Variants in NCKAP1 observed in about 807,000 individuals in gnomAD.
The protein encoded by NCKAP1 is nck-associated protein 1.
In NCKAP1, 21 loss-of-function variants were observed where a neutral mutation model predicts 151.2. The observed-to-expected ratio is 0.14, with a 90% CI of 0.10 to 0.20. The LOEUF (loss-of-function observed/expected upper bound fraction) is 0.20, where lower values mean the gene tolerates loss of function less well. Among genes scored for constraint, NCKAP1 ranks in the 10% least tolerant of loss-of-function variants. The probability of loss-of-function intolerance (pLI) is 1.00; values close to 1 mark genes in which losing one functional copy is unlikely to be tolerated. For synonymous variants in NCKAP1, 484 were observed against 451.8 expected (o/e 1.07, Z -0.90); for missense variants, 933 against 1,352.1 (o/e 0.69, Z 4.86).
Position 182,928,802 on chromosome 2 carries a change from C to T in NCKAP1, c.3051G>A (p.Gln1017=). ...LPTLASNVMS[Q]YSPAIEGHCN... ...TATTACCTTCTATAGCAGGGCTGTA[C>T]TGAGACATCACATTACTGGCCAGTG... is the stretch of plus-strand genomic sequence containing the variant. The change falls in exon 28 of 31, where the codon CAG becomes CAA. Residue 1017 remains glutamine, a synonymous_variant. Coordinates refer to ENST00000361354, the MANE Select transcript of NCKAP1 (RefSeq NM_013436.5). 2 of 1,609,264 alleles carry T rather than the reference C, an allele frequency of 1.2e-6. No homozygotes were observed. Among genetic ancestry groups the T allele is most frequent in the Non-Finnish European group, 1.7e-6 (2 of 1,176,606 alleles).
Position 182,948,656 on chromosome 2 carries a change from T to C in NCKAP1, c.2601+3749A>G, listed in dbSNP as rs1331723307. Reference sequence around the variant, plus strand: ...ATGGACAATACCTAACAAGATAAACTCTACTAAGAAAAACTACAAAGCATA... The same window carrying C: ...ATGGACAATACCTAACAAGATAAACCCTACTAAGAAAAACTACAAAGCATA... On this transcript the variant is annotated intron_variant, in intron 23 of 30. Transcript: ENST00000361354. Among the ~76,000 whole-genome samples, 9 of 152,188 alleles carry C rather than the reference T, an allele frequency of 5.9e-5. No homozygotes were observed. The East Asian group carries it at 1.5e-3, about 26-fold the overall frequency.
chr2:182,936,388 A>G (rs938913773), intron 24 of NCKAP1, among the ~76,000 whole-genome samples: 20 of 152,378 alleles, frequency 1.3e-4, no homozygotes, highest in African/African-American at 4.6e-4. Flanking sequence ...TAGTAAAAGA[A>G]GAAATATAAA....
At chr2:183,030,627 C>T (rs921154814) in intron 1 of NCKAP1, among the ~76,000 whole-genome samples, 2 of 152,066 alleles carry the variant, frequency 1.3e-5, no homozygotes, top group African/African-American at 2.4e-5. Context: ...GACTTAATAA[C>T]CAAGAAACAC....
At chr2:182,934,650 G>A (rs1696836004) in intron 26 of NCKAP1, 102 bp downstream of exon 26, 4 of 673,406 alleles carry the variant, frequency 5.9e-6, no homozygotes, top group Non-Finnish European at 1.0e-5. Flanking sequence ...CTCTAAACTA[G>A]AAACCTTACA....
rs2105823109 is a variant in NCKAP1 at position 182,953,308 on chromosome 2, T to C, written c.2177A>G (p.Tyr726Cys). 1 of 1,612,834 alleles carries C rather than the reference T, an allele frequency of 6.2e-7. No homozygotes were observed. Among genetic ancestry groups the C allele is most frequent in the Non-Finnish European group, 8.5e-7 (1 of 1,179,128 alleles). Reference protein sequence around the residue: ...FTKSIVGMTMYNQATQEIAKP... With the variant: ...FTKSIVGMTMCNQATQEIAKP... Reference sequence around the variant, plus strand: ...TGCAATTTCCTGTGTGGCTTGATTATACATAGTCATCCCAACAATTGACCT... The same window carrying C: ...TGCAATTTCCTGTGTGGCTTGATTACACATAGTCATCCCAACAATTGACCT... Residue 726 changes from tyrosine to cysteine, a missense_variant, in exon 21 of 31, where the codon TAT (tyrosine) becomes TGT (cysteine). Physicochemically the swap from Tyr to Cys is radical, Grantham distance 194. This residue lies in a region of NCKAP1 where 326 missense variants were observed against 557.1 expected (regional missense o/e 0.59). Transcript: ENST00000361354.
At chr2:183,034,633 G>A (rs541456085) in intron 1 of NCKAP1, among the ~76,000 whole-genome samples, 5 of 152,110 alleles carry the variant, frequency 3.3e-5, no homozygotes, top group African/African-American at 4.8e-5. Flanking sequence ...GAAAAACAAT[G>A]TTGCCCAAAA....
chr2:183,026,657 G>A (rs1698903292), intron 1 of NCKAP1, among the ~76,000 whole-genome samples: 1 of 152,094 alleles, frequency 6.6e-6, no homozygotes, highest in African/African-American at 2.4e-5. Context: ...AACTGGCTGA[G>A]TTTCAATTTT....
At chr2:183,002,555 TG>T (rs1345124394) in intron 4 of NCKAP1, among the ~76,000 whole-genome samples, 1 of 152,032 alleles carries the variant, frequency 6.6e-6, no homozygotes, top group Non-Finnish European at 1.5e-5. Context: ...TAAGGAACAC[TG>T]GTGCCAATCT....
chr2:182,928,793 A>G lies in NCKAP1; in HGVS notation c.3060T>C (p.Pro1020=). The G allele has an allele frequency of 1.3e-6, 2 of 1,592,454 alleles. No homozygotes were observed. Among genetic ancestry groups the G allele is most frequent in the Admixed American group, 3.5e-5 (2 of 57,614 alleles). ...LASNVMSQYS[P]AIEGHCNNIH... ...TTAAACCACTATTACCTTCTATAGC[A>G]GGGCTGTACTGAGACATCACATTAC... The change falls in exon 28 of 31, where the codon CCT becomes CCC. Residue 1020 remains proline, a synonymous_variant. Coordinates refer to ENST00000361354, the MANE Select transcript of NCKAP1 (RefSeq NM_013436.5).
chr2:182,919,139 A>G lies in NCKAP1; in HGVS notation c.*6563T>C, dbSNP rs1249804205. 1 of 152,242 alleles carries G rather than the reference A, an allele frequency of 6.6e-6. No homozygotes were observed. The highest frequency in any genetic ancestry group is 2.4e-5 in the African/African-American group (1 of 41,458). 9.4% of individuals were successfully genotyped at this position (152,242 alleles called of 1,614,324 possible). On this transcript the variant is annotated 3_prime_UTR_variant, in exon 31 of 31. Transcript: ENST00000361354. ...GGTACACAATGGGCTTTCAATAAAC[A>G]TTAGCTCTCATTATTATTCTAGTCA... is the stretch of plus-strand genomic sequence containing the variant.
At chr2:182,957,692 G>T in intron 18 of NCKAP1, 96 bp from the exon 19 acceptor site, 1 of 1,275,924 alleles carries the variant, frequency 7.8e-7, no homozygotes, top group Non-Finnish European at 1.1e-6. Context: ...AGGCTGTGTT[G>T]CAAATATCAC....
At chr2:182,927,595 T>C (rs1324799030) in intron 29 of NCKAP1, among the ~76,000 whole-genome samples, 1 of 152,082 alleles carries the variant, frequency 6.6e-6, no homozygotes, top group Non-Finnish European at 1.5e-5. Flanking sequence ...CCATGTTTCA[T>C]GAGGCTACAT....
At chr2:182,969,189 G>C (rs1293224062) in intron 15 of NCKAP1, among the ~76,000 whole-genome samples, 1 of 152,146 alleles carries the variant, frequency 6.6e-6, no homozygotes, top group Non-Finnish European at 1.5e-5. Flanking sequence ...GTCTCCAGGA[G>C]AGACCATATG....
chr2:182,999,098 A>C (rs1440652811), intron 6 of NCKAP1, among the ~76,000 whole-genome samples: 1 of 152,128 alleles, frequency 6.6e-6, no homozygotes, highest in African/African-American at 2.4e-5. Context: ...TTAAAGATTC[A>C]ACACTATTCC....
chr2:182,986,270 A>T (rs530332766), intron 9 of NCKAP1, 43 bp from the exon 10 acceptor site: 1 of 1,474,796 alleles, frequency 6.8e-7, no homozygotes, highest in Non-Finnish European at 9.5e-7. Context: ...AATTTGATCA[A>T]TAACTGTCAA....
chr2:183,024,855 AT>A (rs1005392483), intron 1 of NCKAP1: 1 of 1,118,426 alleles, frequency 8.9e-7, no homozygotes, highest in Non-Finnish European at 1.3e-6. Context: ...CACTACTGCA[AT>A]TTTATAGTTT....
rs1234661345 is a variant in NCKAP1 at position 183,002,274 on chromosome 2, GA to G, written c.370-6del. ...TGTTAAATCAAAGTTTACAGTCTAGGAGAAAAAAAAATCAAGTTCAACTACT... is the reference window on the plus strand; with the variant it reads ...TGTTAAATCAAAGTTTACAGTCTAGGGAAAAAAAAATCAAGTTCAACTACT... On this transcript the variant is annotated splice_polypyrimidine_tract_variant and splice_region_variant and intron_variant, in intron 4 of 30. Transcript: ENST00000361354. 7 of 1,473,966 alleles carry G rather than the reference GA, an allele frequency of 4.7e-6. No homozygotes were observed. Among genetic ancestry groups the G allele is most frequent in the Non-Finnish European group, 6.5e-6 (7 of 1,084,980 alleles). 91.3% of individuals were successfully genotyped at this position (1,473,966 alleles called of 1,614,324 possible).
intron 1 of NCKAP1, chr2:183,025,107 A>C: frequency 1.1e-6 from 1 of 941,672 alleles, no homozygotes; most frequent in Non-Finnish European, 1.6e-6. Context: ...GAATAACAGA[A>C]CAAGATTAGA....
chr2:182,964,701 C>T lies in NCKAP1; in HGVS notation c.1736G>A (p.Cys579Tyr). The change falls in exon 17 of 31, where the codon TGC (cysteine) becomes TAC (tyrosine). Residue 579 changes from cysteine to tyrosine, a missense_variant. Coordinates refer to ENST00000361354, the MANE Select transcript of NCKAP1 (RefSeq NM_013436.5). ...FPLLCTHFMS[C>Y]THELCPEERH... The stretch of plus-strand genomic sequence containing the variant: ...CTCTTCTGGACATAGTTCATGCGTG[C>T]AACTCATAAAATGAGTGCAAAGTAG... The T allele has an allele frequency of 6.2e-7, 1 of 1,603,162 alleles. No individual in the cohort carries two copies. Among genetic ancestry groups the T allele is most frequent in the East Asian group, 2.3e-5 (1 of 44,114 alleles).
Sources: allele counts gnomAD v4.1 joint callset (sites outside exome capture counted in the v4.1 genomes callset), GRCh38; gene constraint gnomAD v4.1.1; regional missense constraint gnomAD v4.1.1; transcripts MANE v1.5; gene names NCBI Gene and HGNC (gene_info 2026-07-23, HGNC 2026-07-21).